NFX1: variants seen among roughly 807,000 people sequenced by gnomAD.
NFX1 encodes nuclear transcription factor, X-box binding 1.
In NFX1, 69 loss-of-function variants were observed where a neutral mutation model predicts 137.2. The ratio of observed to expected loss-of-function variants is 0.50; its 90% confidence interval spans 0.41 to 0.61. NFX1 has a LOEUF of 0.61. Ranked by LOEUF, NFX1 falls within the 20% of genes least tolerant of loss-of-function variation. NFX1 has a pLI of 0.00. For synonymous variants in NFX1, 495 were observed against 474.1 expected, an observed-to-expected ratio of 1.04 and a Z score of -0.57; for missense variants, 1,167 against 1,391.0, an observed-to-expected ratio of 0.84 and a Z score of 2.56.
chr9:33,350,380 G>A (rs1385401100), intron 15 of NFX1, among the ~76,000 whole-genome samples: 1 of 151,640 alleles, frequency 6.6e-6, no homozygotes, highest in Non-Finnish European at 1.5e-5. Flanking sequence ...GGCTAAGGTT[G>A]CCCTCCACCC....
At chr9:33,361,847 G>A (rs1042530300) in intron 19 of NFX1, among the ~76,000 whole-genome samples, 12 of 151,498 alleles carry the variant, frequency 7.9e-5, no homozygotes, top group African/African-American at 9.7e-5. Context: ...AAAGGGGCCC[G>A]TTACAGCGGC....
chr9:33,291,149 ACT>A, intron 1 of NFX1, among the ~76,000 whole-genome samples: 1 of 151,000 alleles, frequency 6.6e-6, no homozygotes, highest in East Asian at 1.9e-4. Context: ...TTGTTCACTC[ACT>A]CCCCCTCCTG....
chr9:33,335,227 C>CTTTTTTTTTTTTTTTTTTTTT, intron 11 of NFX1, among the ~76,000 whole-genome samples: 1 of 130,508 alleles, frequency 7.7e-6, no homozygotes, highest in Non-Finnish European at 1.6e-5. Flanking sequence ...CTTTCTTTTT[C>CTTTTTTTTTTTTTTTTTTTTT]TTTTTTTTTT....
chr9:33,352,793 G>A, intron 17 of NFX1, 74 bp downstream of exon 17: 1 of 1,315,794 alleles, frequency 7.6e-7, no homozygotes, highest in Non-Finnish European at 1.1e-6. Flanking sequence ...TGTTTTTAAA[G>A]CTAGTCAAGT....
rs1019024516 is a variant in NFX1 at position 33,301,347 on chromosome 9, G to A, written c.1118G>A (p.Ser373Asn). The change falls in exon 3 of 24, where the codon AGT becomes AAT. Residue 373 changes from serine (S) to asparagine (N), a missense_variant. By Grantham distance (46) the Ser-to-Asn change is conservative (BLOSUM62 1). Around this residue, in one of 3 missense-constraint regions of NFX1, gnomAD observed 488 missense variants for 691.5 expected, o/e 0.71. Transcript: ENST00000379540. ...GTTCGTGTCACGGCCCCAGTGTGGA[G>A]TTGTCAGAGCTGTTACCATGTGTTT... is the stretch of plus-strand genomic sequence containing the variant. ...ELVRVTAPVW[S>N]CQSCYHVFHL... 1.2e-6 allele frequency: 2 copies of A among 1,614,226 alleles called. No homozygotes were observed. Among genetic ancestry groups the A allele is most frequent in the Non-Finnish European group, 8.5e-7 (1 of 1,180,044 alleles).
chr9:33,293,269 A>C lies in NFX1; in HGVS notation c.26-1151A>C, dbSNP rs150989553. ...GGATTAAATGAGTTAATACATGTAA[A>C]GTGCTTAGGATAGTGCCTGGCACAT... On this transcript the variant is annotated intron_variant, in intron 1 of 23. Transcript: ENST00000379540. 2.8e-3 allele frequency among the ~76,000 whole-genome samples: 434 copies of C among 152,332 alleles called. 2 individuals carry two copies. The highest frequency in any genetic ancestry group is 9.9e-3 in the African/African-American group (412 of 41,560).
intron 13 of NFX1, 51 bp from the exon 14 acceptor site, chr9:33,344,018 C>A (rs749871939): frequency 5.0e-6 from 8 of 1,610,640 alleles, no homozygotes; most frequent in Admixed American, 1.7e-5. Context: ...TATGTACTTG[C>A]ACATCCCAAA....
Position 33,343,128 on chromosome 9 carries a change from G to A in NFX1, c.2224+274G>A, listed in dbSNP as rs1030226455. On this transcript the variant is annotated intron_variant, in intron 13 of 23. Coordinates refer to ENST00000379540, the MANE Select transcript of NFX1 (RefSeq NM_002504.6). ...ATGCCTCATATGTGTTATTGACCTA[G>A]GTTCTGTCCTCAACAATCTTCTTTC... Among the ~76,000 whole-genome samples the A allele has an allele frequency of 1.3e-5, 2 of 152,080 alleles. 1 individual carries two copies. The highest frequency in any genetic ancestry group is 2.9e-5 in the Non-Finnish European group (2 of 68,034).
chr9:33,362,702 T>G (rs1396657413), intron 19 of NFX1, among the ~76,000 whole-genome samples: 2 of 141,226 alleles, frequency 1.4e-5, no homozygotes, highest in South Asian at 2.3e-4. Flanking sequence ...GTTTTTTTTT[T>G]TTTTTTTTTT....
intron 12 of NFX1, among the ~76,000 whole-genome samples, chr9:33,341,325 G>A (rs1823211832): frequency 6.6e-6 from 1 of 152,090 alleles, no homozygotes; most frequent in African/African-American, 2.4e-5. Flanking sequence ...GATCTCATGA[G>A]ACTTATTCAC....
At chr9:33,334,408 A>C (rs1453791429) in intron 11 of NFX1, among the ~76,000 whole-genome samples, 1 of 152,222 alleles carries the variant, frequency 6.6e-6, no homozygotes, top group East Asian at 1.9e-4. Context: ...GTGAGCTGTG[A>C]TTGTGCCATT....
intron 15 of NFX1, 107 bp downstream of exon 15, chr9:33,347,224 A>C: frequency 1.2e-6 from 1 of 847,352 alleles, no homozygotes; most frequent in Non-Finnish European, 1.9e-6. Flanking sequence ...ACTCAGAAGT[A>C]GAAGCTTTCC....
intron 15 of NFX1, among the ~76,000 whole-genome samples, chr9:33,350,008 A>G (rs1823577101): frequency 6.6e-6 from 1 of 152,054 alleles, no homozygotes; most frequent in Non-Finnish European, 1.5e-5. Flanking sequence ...TTCTGCCTCA[A>G]AAAAAACAAA....
At chr9:33,301,933 G>A (rs367799723) in intron 3 of NFX1, among the ~76,000 whole-genome samples, 2 of 152,128 alleles carry the variant, frequency 1.3e-5, no homozygotes, top group Admixed American at 6.5e-5. Flanking sequence ...TTAGCCAGGC[G>A]TGGTGGCGGG....
At chr9:33,355,612 G>A (rs1823782587) in intron 19 of NFX1, among the ~76,000 whole-genome samples, 1 of 147,812 alleles carries the variant, frequency 6.8e-6, no homozygotes, top group Admixed American at 6.8e-5. Flanking sequence ...TTAACTGTTA[G>A]ACTATTACAA....
intron 11 of NFX1, among the ~76,000 whole-genome samples, chr9:33,337,404 C>T (rs1214563746): frequency 6.6e-6 from 1 of 152,140 alleles, no homozygotes. Context: ...ACTTCAATAT[C>T]TGTGGATTTT....
At chr9:33,351,851 AG>A in intron 16 of NFX1, 61 bp downstream of exon 16, 2 of 1,407,736 alleles carry the variant, frequency 1.4e-6, no homozygotes, top group Non-Finnish European at 1.9e-6. Flanking sequence ...TAGTGAATCC[AG>A]AACTGTCTAC....
chr9:33,339,290 T>C (rs992624951), intron 12 of NFX1, among the ~76,000 whole-genome samples: 1 of 152,132 alleles, frequency 6.6e-6, no homozygotes, highest in East Asian at 1.9e-4. Context: ...CTCACAATCA[T>C]GGTGGAAGGC....
At chr9:33,336,789 T>G (rs1013715048) in intron 11 of NFX1, among the ~76,000 whole-genome samples, 11 of 152,154 alleles carry the variant, frequency 7.2e-5, no homozygotes, top group Admixed American at 5.2e-4. Flanking sequence ...TAATTAAGTT[T>G]TAAAAACTTA....
Sources: allele counts gnomAD v4.1 joint callset (sites outside exome capture counted in the v4.1 genomes callset), GRCh38; gene constraint gnomAD v4.1.1; regional missense constraint gnomAD v4.1.1; transcripts MANE v1.5; gene names NCBI Gene and HGNC (gene_info 2026-07-23, HGNC 2026-07-21).